KPNA4: variants seen among roughly 807,000 people sequenced by gnomAD.
KPNA4 encodes importin subunit alpha-3.
KPNA4 carries 13 observed loss-of-function variants against 71.3 expected under a neutral mutation model. The ratio of observed to expected loss-of-function variants is 0.18; its 90% confidence interval spans 0.12 to 0.29. KPNA4 has a LOEUF of 0.29. Ranked by LOEUF, KPNA4 falls within the 10% of genes least tolerant of loss-of-function variation. The probability of loss-of-function intolerance (pLI) is 1.00; values close to 1 mark genes in which losing one functional copy is unlikely to be tolerated. For synonymous variants in KPNA4, 189 were observed against 195.2 expected (o/e 0.97, Z 0.26); for missense variants, 334 against 603.2 (o/e 0.55, Z 4.67).
At chr3:160,541,649 G>GCACACACACA (rs60806533) in intron 1 of KPNA4, among the ~76,000 whole-genome samples, 137 of 146,756 alleles carry the variant, frequency 9.3e-4, no homozygotes, top group East Asian at 2.8e-3. Flanking sequence ...TTATATACGC[G>GCACACACACA]CACACACACA....
At chr3:160,508,455 G>A (rs557116436) in intron 14 of KPNA4, among the ~76,000 whole-genome samples, 186 bp from the exon 15 acceptor site, 32 of 151,174 alleles carry the variant, frequency 2.1e-4, no homozygotes, top group African/African-American at 6.8e-4. Context: ...CCTTTTTCCC[G>A]AACTTAGAAA....
chr3:160,523,856 GAA>G (rs766968471), intron 10 of KPNA4, among the ~76,000 whole-genome samples: 7 of 143,508 alleles, frequency 4.9e-5, no homozygotes, highest in Non-Finnish European at 1.1e-4. Flanking sequence ...GTCTCAAAAA[GAA>G]AAAAAAAAGA....
In KPNA4 at chr3:160,501,766, G is replaced by GT. The variant is rs978046555; in HGVS notation, c.*337dup. The GT allele has an allele frequency of 6.5e-5, 10 of 153,340 alleles. No individual in the cohort carries two copies. The highest frequency in any genetic ancestry group is 2.1e-4 in the South Asian group (1 of 4,842). 9.5% of individuals were successfully genotyped at this position (153,340 alleles called of 1,614,324 possible). On this transcript the variant is annotated 3_prime_UTR_variant, in exon 17 of 17. Transcript: ENST00000334256. ...GCACTTTCCCCTCAATTGATATAGA[G>GT]TAAGTCAATGTTCTTTCTCAGGCAC...
At chr3:160,506,079 T>C (rs1577044805) in intron 15 of KPNA4, among the ~76,000 whole-genome samples, 1 of 152,140 alleles carries the variant, frequency 6.6e-6, no homozygotes. Context: ...AACTTGAAAG[T>C]CCATCCACTG....
At chr3:160,544,254 T>C (rs557750583) in intron 1 of KPNA4, among the ~76,000 whole-genome samples, 1 of 152,274 alleles carries the variant, frequency 6.6e-6, no homozygotes, top group East Asian at 1.9e-4. Flanking sequence ...ACAGATGGTG[T>C]TCAACAGGGA....
At chr3:160,537,252 G>T (rs1721709127) in intron 1 of KPNA4, among the ~76,000 whole-genome samples, 1 of 150,516 alleles carries the variant, frequency 6.6e-6, no homozygotes, top group African/African-American at 2.4e-5. Flanking sequence ...AGCCAAAGGA[G>T]CCCTCCTGCT....
intron 5 of KPNA4, among the ~76,000 whole-genome samples, chr3:160,532,364 T>C (rs1243214335): frequency 6.6e-6 from 1 of 152,236 alleles, no homozygotes; most frequent in Non-Finnish European, 1.5e-5. Context: ...TTATAGCTGA[T>C]ATTAGTCCCT....
chr3:160,532,305 A>G (rs1222423124), intron 5 of KPNA4, among the ~76,000 whole-genome samples: 1 of 152,254 alleles, frequency 6.6e-6, no homozygotes, highest in East Asian at 1.9e-4. Context: ...TATTCACACT[A>G]GGTCACAAGA....
chr3:160,496,650 G>A lies in KPNA4; in HGVS notation c.*5454C>T, dbSNP rs1720770114. The A allele has an allele frequency of 6.6e-6, 1 of 152,180 alleles. No homozygotes were observed. Among genetic ancestry groups the A allele is most frequent in the Non-Finnish European group, 1.5e-5 (1 of 68,034 alleles). The allele number at this position is 152,180 out of a possible 1,614,324, so 9.4% of individuals were successfully genotyped here. Reference sequence around the variant, plus strand: ...TTCTTTATGAAGAATAAAAGTGGAAGAACTGATAGTCTGGAAAGGTGAAGT... The same window carrying A: ...TTCTTTATGAAGAATAAAAGTGGAAAAACTGATAGTCTGGAAAGGTGAAGT... On this transcript the variant is annotated 3_prime_UTR_variant, in exon 17 of 17. Transcript: ENST00000334256.
At chr3:160,565,009 G>A (rs905553252) in intron 1 of KPNA4, among the ~76,000 whole-genome samples, 1 of 150,214 alleles carries the variant, frequency 6.7e-6, no homozygotes, top group Non-Finnish European at 1.5e-5. Flanking sequence ...CCGTACCCGG[G>A]CACCTCGCTC....
intron 5 of KPNA4, among the ~76,000 whole-genome samples, chr3:160,532,513 TAAAA>T (rs1163979119): frequency 2.0e-5 from 3 of 152,096 alleles, no homozygotes; most frequent in Non-Finnish European, 4.4e-5. Flanking sequence ...GAATCTGAGG[TAAAA>T]AAGACAGACA....
At chr3:160,536,351 C>A (rs751838681) in intron 2 of KPNA4, among the ~76,000 whole-genome samples, 1 of 151,970 alleles carries the variant, frequency 6.6e-6, no homozygotes, top group Non-Finnish European at 1.5e-5. Flanking sequence ...AAATCAAGGG[C>A]CATTTCAACT....
chr3:160,518,657 C>T (rs900790032), intron 11 of KPNA4, among the ~76,000 whole-genome samples: 31 of 151,430 alleles, frequency 2.0e-4, no homozygotes, highest in African/African-American at 7.0e-4. Flanking sequence ...GTCAGGAGTT[C>T]GAGACCAGCC....
chr3:160,502,262 T>A, intron 16 of KPNA4, 60 bp from the exon 17 acceptor site: 2 of 822,936 alleles, frequency 2.4e-6, no homozygotes, highest in Non-Finnish European at 3.7e-6. Flanking sequence ...ATAAACAGTA[T>A]TATAGTACTA....
In KPNA4 at chr3:160,500,617, A is replaced by G. The variant is rs1417297603; in HGVS notation, c.*1487T>C. 1 of 152,642 alleles carries G rather than the reference A, an allele frequency of 6.6e-6. No homozygotes were observed. Among genetic ancestry groups the G allele is most frequent in the African/African-American group, 2.4e-5 (1 of 41,452 alleles). 9.5% of individuals were successfully genotyped at this position (152,642 alleles called of 1,614,324 possible). ...ATTCCAATTTATAAAAACCACTTGC[A>G]TAACTTTTATGCAAGTTTTAAAAAT... On this transcript the variant is annotated 3_prime_UTR_variant, in exon 17 of 17. Coordinates refer to ENST00000334256, the MANE Select transcript of KPNA4 (RefSeq NM_002268.5).
At chr3:160,559,316 G>T (rs986660470) in intron 1 of KPNA4, among the ~76,000 whole-genome samples, 1 of 152,136 alleles carries the variant, frequency 6.6e-6, no homozygotes, top group Non-Finnish European at 1.5e-5. Context: ...GAGAAAGTTA[G>T]AATTTTAGAA....
intron 16 of KPNA4, among the ~76,000 whole-genome samples, chr3:160,502,584 T>C (rs1720905329): frequency 1.3e-5 from 2 of 151,934 alleles, no homozygotes; most frequent in Non-Finnish European, 2.9e-5. Context: ...CTGCCCAGGC[T>C]GGTCTCAAAC....
At chr3:160,510,973 T>C (rs1286990766) in intron 13 of KPNA4, among the ~76,000 whole-genome samples, 11 of 150,784 alleles carry the variant, frequency 7.3e-5, no homozygotes, top group African/African-American at 2.7e-4. Flanking sequence ...TTTTTTTTGG[T>C]AGAGACACGG....
At chr3:160,551,672 T>C (rs1429975009) in intron 1 of KPNA4, among the ~76,000 whole-genome samples, 1 of 152,232 alleles carries the variant, frequency 6.6e-6, no homozygotes, top group Non-Finnish European at 1.5e-5. Context: ...TTCACTTTTA[T>C]ACCTTTACTA....
Sources: allele counts gnomAD v4.1 joint callset (sites outside exome capture counted in the v4.1 genomes callset), GRCh38; gene constraint gnomAD v4.1.1; transcripts MANE v1.5; gene names NCBI Gene and HGNC (gene_info 2026-07-23, HGNC 2026-07-21).